Variants in FGF14 observed in about 807,000 individuals in gnomAD.
FGF14 encodes fibroblast growth factor 14, also known as fibroblast growth factor homologous factor 4.
A neutral mutation model predicts 25.5 loss-of-function variants in FGF14; 5 were observed. That is an observed-to-expected ratio of 0.20 (90% CI 0.10 to 0.41). The LOEUF (loss-of-function observed/expected upper bound fraction) is 0.41. FGF14 is among the 10% of genes least tolerant of loss of function. FGF14 has a pLI of 1.00. For missense variants in FGF14, 222 were observed against 320.1 expected (o/e 0.69, Z 2.34); for synonymous variants, 138 against 118.3 (o/e 1.17, Z -1.08).
chr13:101,972,361 A>C (rs987047941), intron 1 of FGF14, among the ~76,000 whole-genome samples: 2 of 152,160 alleles, frequency 1.3e-5, no homozygotes, highest in Non-Finnish European at 2.9e-5. Flanking sequence ...AAATAAATAC[A>C]AAGGTCTCAT....
intron 1 of FGF14, among the ~76,000 whole-genome samples, chr13:102,016,090 C>T (rs533097391): frequency 1.4e-4 from 22 of 152,146 alleles, no homozygotes; most frequent in African/African-American, 4.6e-4. Context: ...TAACAACTTG[C>T]ATTTGAGTGG....
intron 1 of FGF14, among the ~76,000 whole-genome samples, chr13:102,068,577 G>A (rs1011106813): frequency 5.9e-5 from 9 of 152,216 alleles, no homozygotes; most frequent in Admixed American, 2.6e-4. Flanking sequence ...GCAGACGGCC[G>A]GCCCTGCCAG....
upstream of FGF14, chr13:102,402,301 TGTA>T (rs1186940092): frequency 6.5e-6 from 1 of 153,100 alleles, no homozygotes; most frequent in Non-Finnish European, 1.5e-5. Context: ...TTGTCAGTCT[TGTA>T]GTAGGTAGAG....
At chr13:101,741,649 A>T (rs1037127147) in intron 3 of FGF14, among the ~76,000 whole-genome samples, 1 of 151,512 alleles carries the variant, frequency 6.6e-6, no homozygotes, top group African/African-American at 2.4e-5. Flanking sequence ...AAAAAAAAAA[A>T]AGAATTCCAT....
chr13:102,208,854 C>T (rs555920339), intron 1 of FGF14, among the ~76,000 whole-genome samples: 4 of 152,174 alleles, frequency 2.6e-5, no homozygotes, highest in South Asian at 2.1e-4. Context: ...ATAGATATTT[C>T]GTAACACAAA....
intron 3 of FGF14, among the ~76,000 whole-genome samples, chr13:101,820,806 AACACACACACACACACC>A (rs2042098792): frequency 3.6e-5 from 3 of 83,832 alleles, no homozygotes; most frequent in Admixed American, 2.2e-4. Context: ...ACACACACAC[AACACACACACACACACC>A]ACACACACAG....
At position 101,720,562 on chromosome 13, in the gene FGF14, G is replaced by GTA. The variant is rs1202364351; in HGVS notation, c.*2268_*2269insTA. ...TGTGTGTGTGTGTGTGTGTGTGTGT[G>GTA]TGTATATGTGTGTGTTTGTGTGAAG... On this transcript the variant is annotated 3_prime_UTR_variant, in exon 5 of 5. Coordinates refer to ENST00000376143, the MANE Select transcript of FGF14 (RefSeq NM_004115.4). The GTA allele has an allele frequency of 1.4e-5, 2 of 145,138 alleles. No individual in the cohort carries two copies. The highest frequency in any genetic ancestry group is 3.1e-5 in the Non-Finnish European group (2 of 65,360). The allele number at this position is 145,138 out of a possible 1,614,324, so 9.0% of individuals were successfully genotyped here.
At chr13:102,226,292 C>G (rs1298628942) in intron 1 of FGF14, among the ~76,000 whole-genome samples, 1 of 152,116 alleles carries the variant, frequency 6.6e-6, no homozygotes, top group East Asian at 1.9e-4. Flanking sequence ...GAAAAATGAA[C>G]TAATGCTGAA....
intron 1 of FGF14, among the ~76,000 whole-genome samples, chr13:102,142,981 C>A (rs1362006389): frequency 6.6e-6 from 1 of 152,150 alleles, no homozygotes; most frequent in Non-Finnish European, 1.5e-5. Flanking sequence ...AAACATTTTG[C>A]TCTAGTCCAA....
At chr13:102,169,097 A>G (rs1325238336) in intron 1 of FGF14, among the ~76,000 whole-genome samples, 1 of 151,356 alleles carries the variant, frequency 6.6e-6, no homozygotes, top group African/African-American at 2.4e-5. Context: ...ACCTTAGGAT[A>G]TATGAAGCTT....
At chr13:102,129,117 G>T (rs147436100) in intron 1 of FGF14, among the ~76,000 whole-genome samples, 1 of 152,132 alleles carries the variant, frequency 6.6e-6, no homozygotes, top group East Asian at 1.9e-4. Context: ...GGGTGTAGTG[G>T]AGTGCACTTC....
chr13:102,144,170 T>C (rs2046758440), intron 1 of FGF14, among the ~76,000 whole-genome samples: 2 of 152,132 alleles, frequency 1.3e-5, no homozygotes, highest in African/African-American at 4.8e-5. Context: ...TGCACACCAC[T>C]GTACCTGGCT....
chr13:102,153,820 A>T (rs1463606135), intron 1 of FGF14, among the ~76,000 whole-genome samples: 1 of 152,206 alleles, frequency 6.6e-6, no homozygotes, highest in Non-Finnish European at 1.5e-5. Flanking sequence ...GAGAAGGACG[A>T]ATCACAAGTA....
chr13:101,994,616 C>T (rs2039083329), intron 1 of FGF14, among the ~76,000 whole-genome samples: 4 of 151,958 alleles, frequency 2.6e-5, no homozygotes, highest in Admixed American at 2.6e-4. Context: ...ACAAATTGTG[C>T]AACTTTTATT....
chr13:102,094,711 G>T (rs1234601612), intron 1 of FGF14, among the ~76,000 whole-genome samples: 1 of 152,164 alleles, frequency 6.6e-6, no homozygotes, highest in African/African-American at 2.4e-5. Context: ...GGCTGTACAA[G>T]AAGAAGAGCT....
chr13:102,066,881 C>A (rs567231123), intron 1 of FGF14, among the ~76,000 whole-genome samples: 3 of 152,322 alleles, frequency 2.0e-5, no homozygotes, highest in African/African-American at 7.2e-5. Context: ...TTCTCCCCAT[C>A]CTCACAACCC....
At chr13:102,310,657 C>CTCTT (rs2055688496) in intron 1 of FGF14, among the ~76,000 whole-genome samples, 1 of 40,390 alleles carries the variant, frequency 2.5e-5, no homozygotes, top group Non-Finnish European at 4.8e-5. Context: ...CCGTTTCTCT[C>CTCTT]TCTCTCTCTC....
At chr13:102,153,982 T>A (rs1566752278) in intron 1 of FGF14, among the ~76,000 whole-genome samples, 1 of 152,156 alleles carries the variant, frequency 6.6e-6, no homozygotes, top group Non-Finnish European at 1.5e-5. Context: ...AGGAAATCAA[T>A]ATTTAAAGAG....
At chr13:101,927,719 C>T (rs537038965) in intron 1 of FGF14, among the ~76,000 whole-genome samples, 1 of 152,194 alleles carries the variant, frequency 6.6e-6, no homozygotes, top group African/African-American at 2.4e-5. Flanking sequence ...CAACGATGTG[C>T]ACAGGCTCCC....
Sources: allele counts gnomAD v4.1 joint callset (sites outside exome capture counted in the v4.1 genomes callset), GRCh38; gene constraint gnomAD v4.1.1; transcripts MANE v1.5; gene names NCBI Gene and HGNC (gene_info 2026-07-23, HGNC 2026-07-21).